Variants in ARSB observed in about 807,000 individuals in gnomAD.
ARSB encodes the protein arylsulfatase B, also known as N-acetylgalactosamine-4-sulfatase.
ARSB carries 41 observed loss-of-function variants against 50.9 expected under a neutral mutation model. The ratio of observed to expected loss-of-function variants is 0.81; its 90% CI spans 0.63 to 1.04. The LOEUF (loss-of-function observed/expected upper bound fraction) is 1.04, where lower values mean the gene tolerates loss of function less well. Among genes scored for constraint, ARSB ranks in the 50% least tolerant of loss-of-function variants. The pLI, the probability that ARSB is intolerant of heterozygous loss-of-function variation, is 0.00. For missense variants in ARSB, 672 were observed against 693.3 expected (o/e 0.97, Z 0.35); for synonymous variants, 269 against 284.8 (o/e 0.94, Z 0.56).
At chr5:78,815,997 C>T (rs981417315) in intron 6 of ARSB, 18 of 1,557,076 alleles carry the variant, frequency 1.2e-5, no homozygotes, top group South Asian at 3.4e-5. Flanking sequence ...AGGAGCCACC[C>T]GAGGCCTTGA....
chr5:78,794,556 A>G (rs976092697), intron 6 of ARSB, among the ~76,000 whole-genome samples: 2 of 152,172 alleles, frequency 1.3e-5, no homozygotes, highest in African/African-American at 4.8e-5. Context: ...AAGAAAACAG[A>G]AAACAAAGAA....
At chr5:78,968,360 A>ATTT (rs869069655) in intron 2 of ARSB, among the ~76,000 whole-genome samples, 21 of 110,918 alleles carry the variant, frequency 1.9e-4, no homozygotes, top group Non-Finnish European at 3.9e-4. Flanking sequence ...TATTATTATT[A>ATTT]TTTTTGAGAC....
At chr5:78,937,469 A>G (rs1750685257) in intron 4 of ARSB, among the ~76,000 whole-genome samples, 1 of 146,668 alleles carries the variant, frequency 6.8e-6, no homozygotes, top group South Asian at 2.1e-4. Context: ...ATGAATATAT[A>G]TATTCATTAA....
intron 5 of ARSB, among the ~76,000 whole-genome samples, chr5:78,864,089 C>G (rs1746586878): frequency 6.6e-6 from 1 of 151,772 alleles, no homozygotes; most frequent in Non-Finnish European, 1.5e-5. Context: ...GAGGAAACAA[C>G]CCTCTGAGAC....
chr5:78,890,287 T>C (rs56703405), intron 4 of ARSB, among the ~76,000 whole-genome samples: 3 of 145,554 alleles, frequency 2.1e-5, no homozygotes, highest in Admixed American at 6.9e-5. Flanking sequence ...GTCTCACTCC[T>C]CCAACCAGGA....
intron 5 of ARSB, among the ~76,000 whole-genome samples, chr5:78,881,118 AC>A (rs2112192812): frequency 6.6e-6 from 1 of 152,164 alleles, no homozygotes; most frequent in South Asian, 2.1e-4. Context: ...TGTAATTCCA[AC>A]TACTCGGGAA....
intron 3 of ARSB, among the ~76,000 whole-genome samples, chr5:78,961,003 A>T (rs1731155396): frequency 6.6e-6 from 1 of 152,250 alleles, no homozygotes; most frequent in Admixed American, 6.5e-5. Flanking sequence ...AATTAGCAGT[A>T]CCTTCCTGAG....
chr5:78,930,645 C>CT (rs1290982814), intron 4 of ARSB, among the ~76,000 whole-genome samples: 2 of 152,172 alleles, frequency 1.3e-5, no homozygotes, highest in Non-Finnish European at 2.9e-5. Context: ...AAAAAGAGTC[C>CT]TACAAGGTTA....
intron 3 of ARSB, among the ~76,000 whole-genome samples, chr5:78,958,061 T>C (rs535530265): frequency 6.6e-6 from 1 of 152,224 alleles, no homozygotes; most frequent in East Asian, 1.9e-4. Context: ...CCACACTCCA[T>C]CTGGTAACAA....
At chr5:78,859,932 G>C (rs1383933444) in intron 5 of ARSB, among the ~76,000 whole-genome samples, 1 of 152,172 alleles carries the variant, frequency 6.6e-6, no homozygotes, top group Non-Finnish European at 1.5e-5. Flanking sequence ...ACTCCATACT[G>C]TGAGTGTAGG....
At chr5:78,830,101 T>A (rs1381083901) in intron 6 of ARSB, among the ~76,000 whole-genome samples, 1 of 152,236 alleles carries the variant, frequency 6.6e-6, no homozygotes, top group Non-Finnish European at 1.5e-5. Context: ...ATAGAACCTT[T>A]AATCAACTAT....
At chr5:78,786,838 C>G (rs1417461845) in intron 6 of ARSB, among the ~76,000 whole-genome samples, 2 of 152,168 alleles carry the variant, frequency 1.3e-5, no homozygotes, top group African/African-American at 4.8e-5. Context: ...GTCTTCTGGC[C>G]TCAAGCAATC....
chr5:78,925,039 A>G (rs1200266509), intron 4 of ARSB, among the ~76,000 whole-genome samples: 2 of 152,210 alleles, frequency 1.3e-5, no homozygotes, highest in Non-Finnish European at 2.9e-5. Flanking sequence ...CTGGTTGCAT[A>G]TCTCCAAGGA....
chr5:78,968,638 C>T (rs1019412048), intron 2 of ARSB, among the ~76,000 whole-genome samples: 5 of 152,044 alleles, frequency 3.3e-5, no homozygotes, highest in South Asian at 2.1e-4. Context: ...CGTGAGCCAC[C>T]GCACCCAGCC....
intron 4 of ARSB, among the ~76,000 whole-genome samples, chr5:78,888,263 A>G (rs1310005433): frequency 6.6e-6 from 1 of 152,244 alleles, no homozygotes; most frequent in Non-Finnish European, 1.5e-5. Context: ...ATTGAAGCTG[A>G]GCAGACCCGT....
At chr5:78,881,430 A>G (rs187883137) in intron 5 of ARSB, among the ~76,000 whole-genome samples, 12 of 152,272 alleles carry the variant, frequency 7.9e-5, no homozygotes, top group Non-Finnish European at 1.2e-4. Flanking sequence ...GACAAAAAAA[A>G]AGGAAAAATA....
chr5:78,871,939 G>C (rs972682714), intron 5 of ARSB, among the ~76,000 whole-genome samples: 1 of 150,924 alleles, frequency 6.6e-6, no homozygotes. Context: ...CTAATATCCA[G>C]AATCTACAAT....
chr5:78,976,369 C>G (rs1462997373), intron 1 of ARSB, among the ~76,000 whole-genome samples: 3 of 141,214 alleles, frequency 2.1e-5, no homozygotes, highest in Non-Finnish European at 4.6e-5. Flanking sequence ...TCACTGCAAA[C>G]TCTGCCTCCC....
At chr5:78,922,053 T>C (rs945305723) in intron 4 of ARSB, among the ~76,000 whole-genome samples, 5 of 152,122 alleles carry the variant, frequency 3.3e-5, no homozygotes, top group Non-Finnish European at 7.4e-5. Flanking sequence ...ACAATCCCAG[T>C]GGTTGGAATC....
Sources: gnomAD v4.1 joint callset for allele counts (sites outside exome capture counted in the v4.1 genomes callset) on GRCh38, gnomAD v4.1.1 for gene constraint, MANE v1.5 for transcripts, NCBI Gene and HGNC (gene_info 2026-07-23, HGNC 2026-07-21) for gene names.